The following AOAH variants were observed in gnomAD, a reference collection of about 807,000 sequenced individuals.
The protein encoded by AOAH is acyloxyacyl hydrolase (neutrophil).
AOAH carries 64 observed loss-of-function variants against 92.2 expected under a neutral mutation model. That is an observed-to-expected ratio of 0.69 (90% CI 0.57 to 0.86). AOAH has a LOEUF of 0.86. Ranked by LOEUF, AOAH falls within the 40% of genes least tolerant of loss-of-function variation. AOAH has a pLI of 0.00. For synonymous variants in AOAH, 263 were observed against 254.5 expected, an observed-to-expected ratio of 1.03 and a Z score of -0.32; for missense variants, 656 against 694.6, an observed-to-expected ratio of 0.94 and a Z score of 0.62.
chr7:36,648,346 G>A (rs1794361184), intron 4 of AOAH, among the ~76,000 whole-genome samples: 1 of 152,094 alleles, frequency 6.6e-6, no homozygotes, highest in South Asian at 2.1e-4. Flanking sequence ...AAGAAAGGAT[G>A]AGCATTTTCT....
intron 13 of AOAH, among the ~76,000 whole-genome samples, chr7:36,551,065 C>A (rs566809337): frequency 7.3e-6 from 1 of 137,554 alleles, no homozygotes; most frequent in African/African-American, 2.6e-5. Context: ...AAATGTACAT[C>A]TCATTTCTTT....
chr7:36,535,673 C>G (rs1430015026), intron 16 of AOAH, among the ~76,000 whole-genome samples: 1 of 152,170 alleles, frequency 6.6e-6, no homozygotes, highest in African/African-American at 2.4e-5. Context: ...CTTGCCCATC[C>G]TCATGGGCAC....
chr7:36,550,684 C>T (rs1786168351), intron 13 of AOAH, among the ~76,000 whole-genome samples: 1 of 152,182 alleles, frequency 6.6e-6, no homozygotes, highest in Non-Finnish European at 1.5e-5. Context: ...GACAGATCTG[C>T]TAGAAATAAG....
chr7:36,561,049 T>A (rs2116472524), intron 13 of AOAH, among the ~76,000 whole-genome samples: 1 of 151,216 alleles, frequency 6.6e-6, no homozygotes, highest in East Asian at 1.9e-4. Context: ...ACTTTTTTTT[T>A]TTTTTTTTTT....
At chr7:36,638,917 T>A (rs1482957287) in intron 4 of AOAH, among the ~76,000 whole-genome samples, 1 of 151,970 alleles carries the variant, frequency 6.6e-6, no homozygotes, top group East Asian at 1.9e-4. Context: ...CCCCTGAGAG[T>A]CCTCCACTCT....
intron 1 of AOAH, among the ~76,000 whole-genome samples, chr7:36,723,203 C>T (rs1799759959): frequency 6.6e-6 from 1 of 152,150 alleles, no homozygotes; most frequent in African/African-American, 2.4e-5. Flanking sequence ...CAATTACTTA[C>T]TACTCAGAGT....
chr7:36,590,214 G>A (rs1789647816), intron 12 of AOAH, among the ~76,000 whole-genome samples: 1 of 152,046 alleles, frequency 6.6e-6, no homozygotes, highest in Non-Finnish European at 1.5e-5. Context: ...CACCTCAGAT[G>A]CCCAGTAGCT....
chr7:36,515,320 C>T (rs528815343), intron 20 of AOAH, among the ~76,000 whole-genome samples: 49 of 135,402 alleles, frequency 3.6e-4, no homozygotes, highest in African/African-American at 1.4e-3. Flanking sequence ...CCACACCCCT[C>T]ACAACCCCAC....
At chr7:36,698,696 T>C (rs1264147878) in intron 1 of AOAH, among the ~76,000 whole-genome samples, 3 of 152,214 alleles carry the variant, frequency 2.0e-5, no homozygotes, top group East Asian at 1.9e-4. Context: ...ATAATAGATA[T>C]ACATATTTTC....
intron 2 of AOAH, among the ~76,000 whole-genome samples, chr7:36,675,987 A>G (rs1295044432): frequency 6.6e-6 from 1 of 152,252 alleles, no homozygotes; most frequent in African/African-American, 2.4e-5. Flanking sequence ...AATAAAGGTT[A>G]TCTACAAAAA....
intron 15 of AOAH, among the ~76,000 whole-genome samples, chr7:36,542,065 A>G (rs916678143): frequency 2.0e-5 from 3 of 152,198 alleles, no homozygotes; most frequent in Non-Finnish European, 4.4e-5. Context: ...CATGGTTGTC[A>G]TTAGTTAAGA....
intron 18 of AOAH, 129 bp downstream of exon 18, chr7:36,532,018 G>A: frequency 9.0e-7 from 1 of 1,112,148 alleles, no homozygotes; most frequent in Non-Finnish European, 1.3e-6. Flanking sequence ...CACCTGGAAG[G>A]TTTGATTTTG....
At chr7:36,686,854 A>C in intron 1 of AOAH, 60 bp from the exon 2 acceptor site, 2 of 1,171,284 alleles carry the variant, frequency 1.7e-6, no homozygotes, top group Non-Finnish European at 2.3e-6. Flanking sequence ...CTGGAGGGAC[A>C]GGAGAAAGAA....
At chr7:36,673,837 TC>T in intron 3 of AOAH, 105 bp downstream of exon 3, 1 of 738,942 alleles carries the variant, frequency 1.4e-6, no homozygotes, top group Non-Finnish European at 2.3e-6. Context: ...TCGAGCCCTG[TC>T]CAGAAAGCGC....
Position 36,668,777 on chromosome 7 carries a change from A to G in AOAH, c.290+5166T>C, listed in dbSNP as rs566018329. 6.2e-4 allele frequency among the ~76,000 whole-genome samples: 95 copies of G among 152,338 alleles called. 1 individual carries two copies. Among genetic ancestry groups the G allele is most frequent in the African/African-American group, 2.2e-3 (93 of 41,588 alleles). On this transcript the variant is annotated intron_variant, in intron 3 of 20. Coordinates refer to ENST00000617537, the MANE Select transcript of AOAH (RefSeq NM_001637.4). ...GTTGGGATTACAGGCGTGAGCCATC[A>G]CACCCAGCCCTGATCTTACTTCTCT...
chr7:36,704,212 T>C (rs1372788184), intron 1 of AOAH, among the ~76,000 whole-genome samples: 1 of 152,212 alleles, frequency 6.6e-6, no homozygotes, highest in Non-Finnish European at 1.5e-5. Context: ...TGTTTTTTTC[T>C]TGTACATTTG....
intron 1 of AOAH, among the ~76,000 whole-genome samples, chr7:36,691,636 G>T (rs1797406682): frequency 6.6e-6 from 1 of 152,094 alleles, no homozygotes; most frequent in Non-Finnish European, 1.5e-5. Context: ...CTTATGAATT[G>T]GTGCATTTGG....
chr7:36,621,544 G>A (rs1316616345), intron 8 of AOAH, among the ~76,000 whole-genome samples, 166 bp downstream of exon 8: 2 of 152,182 alleles, frequency 1.3e-5, no homozygotes, highest in South Asian at 2.1e-4. Context: ...TCGGACAAAC[G>A]AACGAATGAA....
In AOAH at chr7:36,543,661, C is replaced by T. The variant is rs77258426; in HGVS notation, c.1134-3170G>A. Among the ~76,000 whole-genome samples the T allele has an allele frequency of 7.0e-3, 1,073 of 152,232 alleles. 14 individuals carry two copies. Among genetic ancestry groups the T allele is most frequent in the African/African-American group, 0.024 (1,011 of 41,542 alleles). ...ATTTGTATTTATGAAAGGGCACCCA[C>T]AAATTAAGCAAGCATAATCAACATG... is the stretch of plus-strand genomic sequence containing the variant. On this transcript the variant is annotated intron_variant, in intron 15 of 20. Transcript: ENST00000617537.
Sources: allele counts gnomAD v4.1 joint callset (sites outside exome capture counted in the v4.1 genomes callset), GRCh38; gene constraint gnomAD v4.1.1; transcripts MANE v1.5; gene names NCBI Gene and HGNC (gene_info 2026-07-23, HGNC 2026-07-21).